DNAH9: variants seen among roughly 807,000 people sequenced by gnomAD.
DNAH9 encodes dynein axonemal heavy chain 9.
Under a neutral mutation model 471.6 loss-of-function variants are expected in DNAH9, and 345 were observed. The ratio of observed to expected loss-of-function variants is 0.73; its 90% CI spans 0.67 to 0.80. DNAH9 has a LOEUF of 0.80. DNAH9 is among the 30% of genes least tolerant of loss of function. DNAH9 has a pLI of 0.00. For synonymous variants in DNAH9, 2,093 were observed against 2,123.6 expected, an observed-to-expected ratio of 0.99 and a Z score of 0.40; for missense variants, 5,407 against 5,609.2, an observed-to-expected ratio of 0.96 and a Z score of 1.15.
chr17:11,761,838 C>G (rs1967681740), intron 35 of DNAH9, among the ~76,000 whole-genome samples: 1 of 152,132 alleles, frequency 6.6e-6, no homozygotes, highest in Non-Finnish European at 1.5e-5. Flanking sequence ...CTCTAGTACT[C>G]TGATTGCTAA....
rs754462063 is a variant in DNAH9, at chr17:11,705,175, TTGAC to T, written c.5547_5550del (p.Asp1850GlyfsTer12). 19 of 1,614,108 alleles carry T rather than the reference TTGAC, an allele frequency of 1.2e-5. No homozygotes were observed. The East Asian group carries it at 2.9e-4, about 25-fold the overall frequency. ...CACACCTCGCTTGGTGATCACACCT[TTGAC>T]TGACAGGTGAGCACTGGTGTCAACC... On this transcript the variant is annotated frameshift_variant, in exon 26 of 69. Transcript: ENST00000262442. LOFTEE classifies it high-confidence loss of function.
intron 42 of DNAH9, among the ~76,000 whole-genome samples, chr17:11,794,987 T>A (rs1445696684): frequency 1.3e-5 from 2 of 151,894 alleles, no homozygotes; most frequent in African/African-American, 4.8e-5. Flanking sequence ...GATGAGTTAA[T>A]AGGTGCAGCA....
Position 11,701,011 on chromosome 17 carries a change from A to G in DNAH9, c.5026-111A>G, listed in dbSNP as rs9907576. The G allele has an allele frequency of 0.012, 14,695 of 1,176,680 alleles. 607 individuals carry two copies. The highest frequency in any genetic ancestry group is 0.1 in the South Asian group (7,496 of 72,378). 72.9% of individuals were successfully genotyped at this position (1,176,680 alleles called of 1,614,324 possible). A position where few individuals can be genotyped will look rare whatever the true frequency, so the allele number is the denominator to read the frequency against. ...TTCTGGCAGCCACTTGGGGCTGTAT[A>G]CAATGTGTGGGCTCCCTTTCCTTCA... On this transcript the variant is annotated intron_variant, in intron 23 of 68. Transcript: ENST00000262442.
At chr17:11,774,528 G>T (rs1345182032) in intron 38 of DNAH9, among the ~76,000 whole-genome samples, 1 of 152,066 alleles carries the variant, frequency 6.6e-6, no homozygotes. Context: ...GCGTGTGTGT[G>T]GGGGAACTGC....
Position 11,937,819 on chromosome 17 carries a change from G to A in DNAH9, c.12660+297G>A, listed in dbSNP as rs975603890. ...GCTTCTCTGCCAAAGTGAAGAAAGG[G>A]CAGGGCTGAACAGTGGTGGCTTGGG... On this transcript the variant is annotated intron_variant, in intron 66 of 68. Coordinates refer to ENST00000262442, the MANE Select transcript of DNAH9 (RefSeq NM_001372.4). This position sits in a 1 kb window ranked among gnomAD's most constrained non-coding sequence, Gnocchi z 4.1. 6.6e-6 allele frequency among the ~76,000 whole-genome samples: 1 copy of A among 152,174 alleles called. No homozygotes were observed. The highest frequency in any genetic ancestry group is 1.5e-5 in the Non-Finnish European group (1 of 68,030).
intron 57 of DNAH9, among the ~76,000 whole-genome samples, chr17:11,888,161 T>C (rs1037816195): frequency 6.6e-6 from 1 of 151,968 alleles, no homozygotes; most frequent in African/African-American, 2.4e-5. Context: ...TTTTTTTGTA[T>C]TTTTAGTAGA....
At chr17:11,804,472 A>G (rs1028800391) in intron 43 of DNAH9, among the ~76,000 whole-genome samples, 2 of 152,260 alleles carry the variant, frequency 1.3e-5, no homozygotes, top group African/African-American at 4.8e-5. Context: ...ATGGGCATGA[A>G]CAGAAAGTTT....
chr17:11,822,217 C>T (rs1456373540), intron 46 of DNAH9, among the ~76,000 whole-genome samples, 155 bp downstream of exon 46: 2 of 152,144 alleles, frequency 1.3e-5, no homozygotes, highest in Non-Finnish European at 2.9e-5. Context: ...GCCAGGACAC[C>T]CTTCTCATCT....
intron 3 of DNAH9, among the ~76,000 whole-genome samples, chr17:11,611,048 G>GCTCCTC (rs2072624042): frequency 6.6e-6 from 1 of 151,462 alleles, no homozygotes; most frequent in African/African-American, 2.4e-5. Flanking sequence ...CTTCATTATT[G>GCTCCTC]CTCCTGCTCC....
chr17:11,836,991 A>T (rs2150955559), intron 49 of DNAH9, among the ~76,000 whole-genome samples: 1 of 152,306 alleles, frequency 6.6e-6, no homozygotes. Context: ...CAATGATAAT[A>T]CCATTCCCAT....
chr17:11,777,066 T>A (rs1424174673), intron 38 of DNAH9, among the ~76,000 whole-genome samples: 5 of 152,248 alleles, frequency 3.3e-5, no homozygotes, highest in Non-Finnish European at 5.9e-5. Context: ...AAGACCATTC[T>A]GTAGCCTGAT....
chr17:11,610,711 A>G (rs1349881180), intron 3 of DNAH9, among the ~76,000 whole-genome samples, 157 bp downstream of exon 3: 1 of 152,222 alleles, frequency 6.6e-6, no homozygotes, highest in Non-Finnish European at 1.5e-5. Flanking sequence ...TTGGGTCAAG[A>G]GAGTTTTTTG....
intron 59 of DNAH9, among the ~76,000 whole-genome samples, chr17:11,901,521 C>T (rs1973415979): frequency 6.6e-6 from 1 of 152,040 alleles, no homozygotes; most frequent in Non-Finnish European, 1.5e-5. Context: ...TATGGTGAAA[C>T]CCCGTCTCTA....
At chr17:11,712,064 TTG>T (rs1432985133) in intron 26 of DNAH9, among the ~76,000 whole-genome samples, 2 of 4,478 alleles carry the variant, frequency 4.5e-4, no homozygotes, top group Non-Finnish European at 0.013. Flanking sequence ...ATATATATAT[TTG>T]TATATATATA....
intron 1 of DNAH9, among the ~76,000 whole-genome samples, chr17:11,601,520 C>G (rs1315304437): frequency 1.3e-5 from 2 of 152,152 alleles, no homozygotes; most frequent in African/African-American, 4.8e-5. Context: ...AATGTATTAC[C>G]TATTTTAAAA....
At chr17:11,783,228 C>T (rs1389521630) in intron 39 of DNAH9, among the ~76,000 whole-genome samples, 1 of 152,136 alleles carries the variant, frequency 6.6e-6, no homozygotes, top group Non-Finnish European at 1.5e-5. Context: ...GAGGAAGGGG[C>T]ATTACTGGCC....
chr17:11,807,762 G>A lies in DNAH9; in HGVS notation c.8451G>A (p.Pro2817=), dbSNP rs142271550. 2.2e-5 allele frequency: 36 copies of A among 1,612,522 alleles called. No homozygotes were observed. Among genetic ancestry groups the A allele is most frequent in the Middle Eastern group, 3.3e-4 (2 of 6,054 alleles). The change falls in exon 44 of 69, where the codon CCG becomes CCA. Residue 2817 remains proline, a synonymous_variant. Transcript: ENST00000262442. The stretch of plus-strand genomic sequence containing the variant: ...ATATCAATCGCATCTTGGAGTCCCC[G>A]CGGGGAAATGCTCTGCTGGTTGGTG... ...VCHINRILES[P]RGNALLVGVG...
intron 7 of DNAH9, among the ~76,000 whole-genome samples, chr17:11,631,061 TC>T (rs1365378469): frequency 6.6e-6 from 1 of 152,134 alleles, no homozygotes; most frequent in African/African-American, 2.4e-5. Context: ...GCCTGGGTTT[TC>T]TGATCTGAAC....
intron 30 of DNAH9, 87 bp from the exon 31 acceptor site, chr17:11,744,710 C>A: frequency 3.4e-6 from 4 of 1,166,730 alleles, no homozygotes; most frequent in Non-Finnish European, 4.9e-6. Context: ...TGACCTAATG[C>A]TCATAGCATA....
Sources: allele counts gnomAD v4.1 joint callset (sites outside exome capture counted in the v4.1 genomes callset), GRCh38; gene constraint gnomAD v4.1.1; non-coding constraint Gnocchi (gnomAD v3.1); transcripts MANE v1.5; gene names NCBI Gene and HGNC (gene_info 2026-07-23, HGNC 2026-07-21).